Variants in CNTNAP5 observed in about 807,000 individuals in gnomAD.
CNTNAP5 encodes the protein contactin-associated protein-like 5.
CNTNAP5 carries 72 observed loss-of-function variants against 150.2 expected under a neutral mutation model. That is an observed-to-expected ratio of 0.48 (90% CI 0.40 to 0.58). The LOEUF is 0.58. CNTNAP5 is among the 20% of genes least tolerant of loss of function. CNTNAP5 has a pLI of 0.00. For synonymous variants in CNTNAP5, 672 were observed against 619.8 expected (o/e 1.08, Z -1.25); for missense variants, 1,636 against 1,626.2 (o/e 1.01, Z -0.10).
intron 23 of CNTNAP5, among the ~76,000 whole-genome samples, 179 bp from the exon 24 acceptor site, chr2:124,913,913 T>G (rs1175936210): frequency 1.3e-5 from 2 of 152,108 alleles, no homozygotes; most frequent in African/African-American, 4.8e-5. Flanking sequence ...TTTATAGTAA[T>G]TGAAGACAGG....
At chr2:124,485,124 T>G (rs1226767727) in intron 7 of CNTNAP5, among the ~76,000 whole-genome samples, 1 of 151,144 alleles carries the variant, frequency 6.6e-6, no homozygotes, top group Non-Finnish European at 1.5e-5. Flanking sequence ...AAAAAAAAAT[T>G]ATATAAAAGT....
intron 8 of CNTNAP5, among the ~76,000 whole-genome samples, chr2:124,521,406 A>G (rs1694843209): frequency 6.6e-6 from 1 of 152,186 alleles, no homozygotes; most frequent in Non-Finnish European, 1.5e-5. Context: ...AAAGAAAACC[A>G]CCAACCAAGC....
intron 11 of CNTNAP5, among the ~76,000 whole-genome samples, chr2:124,586,646 G>A (rs1230329208): frequency 6.6e-6 from 1 of 152,148 alleles, no homozygotes; most frequent in African/African-American, 2.4e-5. Flanking sequence ...AGAAATAAAA[G>A]AACAAATAAT....
intron 11 of CNTNAP5, among the ~76,000 whole-genome samples, chr2:124,582,604 C>T (rs1463112220): frequency 1.3e-5 from 2 of 152,102 alleles, no homozygotes; most frequent in African/African-American, 4.8e-5. Flanking sequence ...TGGAAATGAT[C>T]CAGTTCTGAT....
At position 124,911,838 on chromosome 2, in the gene CNTNAP5, T is replaced by C. The variant is rs117476129; in HGVS notation, c.3727+300T>C. On this transcript the variant is annotated intron_variant, in intron 23 of 23. Coordinates refer to ENST00000682447, the MANE Select transcript of CNTNAP5 (RefSeq NM_001367498.1). ...CTCACATTCTGCTCATTTCATACAG[T>C]TTTCACTGTTTCTAAAATGCAAACA... Among the ~76,000 whole-genome samples, 469 of 152,198 alleles carry C rather than the reference T, an allele frequency of 3.1e-3. 12 individuals are homozygous for C. The East Asian group carries it at 0.052, about 17-fold the overall frequency.
intron 13 of CNTNAP5, among the ~76,000 whole-genome samples, chr2:124,675,784 G>T (rs1678927273): frequency 6.6e-6 from 1 of 152,052 alleles, no homozygotes; most frequent in Non-Finnish European, 1.5e-5. Flanking sequence ...ATTCTTTAGA[G>T]ATATTTTTAT....
chr2:124,742,234 C>T (rs1680511125), intron 13 of CNTNAP5, among the ~76,000 whole-genome samples: 1 of 152,110 alleles, frequency 6.6e-6, no homozygotes, highest in Non-Finnish European at 1.5e-5. Flanking sequence ...AGTAGTTTTG[C>T]AAACTTTTTT....
intron 12 of CNTNAP5, among the ~76,000 whole-genome samples, chr2:124,618,666 C>A (rs1677540079): frequency 6.6e-6 from 1 of 152,108 alleles, no homozygotes; most frequent in Non-Finnish European, 1.5e-5. Context: ...TTTAGTCAGC[C>A]TTCCTGCGCA....
intron 20 of CNTNAP5, among the ~76,000 whole-genome samples, chr2:124,868,682 T>C (rs995696141): frequency 6.6e-6 from 1 of 152,138 alleles, no homozygotes; most frequent in Non-Finnish European, 1.5e-5. Context: ...GTAAGTTGCC[T>C]GAGAACAGAG....
intron 1 of CNTNAP5, among the ~76,000 whole-genome samples, chr2:124,045,080 A>G (rs896046604): frequency 2.6e-5 from 4 of 152,160 alleles, no homozygotes; most frequent in African/African-American, 9.7e-5. Flanking sequence ...TGAGATTTCA[A>G]ATATGTCTCT....
chr2:124,507,891 A>G (rs563005509), intron 8 of CNTNAP5, among the ~76,000 whole-genome samples: 12 of 152,338 alleles, frequency 7.9e-5, no homozygotes, highest in Admixed American at 7.8e-4. Context: ...AGTGAGAAAA[A>G]GCACCCAAAT....
intron 3 of CNTNAP5, among the ~76,000 whole-genome samples, chr2:124,336,199 G>C (rs1214836484): frequency 6.6e-6 from 1 of 152,000 alleles, no homozygotes; most frequent in African/African-American, 2.4e-5. Context: ...GGAAGGTGAG[G>C]TACAGAACTC....
intron 3 of CNTNAP5, among the ~76,000 whole-genome samples, chr2:124,358,472 T>A (rs1005994241): frequency 1.3e-5 from 2 of 152,198 alleles, no homozygotes; most frequent in Admixed American, 1.3e-4. Context: ...TTTTGTAATA[T>A]GTCCCATCAA....
intron 5 of CNTNAP5, among the ~76,000 whole-genome samples, chr2:124,436,738 A>G (rs1439584295): frequency 6.6e-6 from 1 of 152,162 alleles, no homozygotes; most frequent in Non-Finnish European, 1.5e-5. Flanking sequence ...TCTTCTCTAT[A>G]TTTCCAACCA....
intron 7 of CNTNAP5, among the ~76,000 whole-genome samples, chr2:124,485,863 T>C (rs562566149): frequency 6.6e-6 from 1 of 152,150 alleles, no homozygotes; most frequent in East Asian, 1.9e-4. Flanking sequence ...GTGCCCCTTA[T>C]GGACAAAGCA....
At chr2:124,106,425 G>A (rs2104701467) in intron 1 of CNTNAP5, among the ~76,000 whole-genome samples, 2 of 152,286 alleles carry the variant, frequency 1.3e-5, no homozygotes, top group Admixed American at 1.3e-4. Flanking sequence ...TCTGGGCAGA[G>A]GAAAGAGGGT....
chr2:124,514,886 A>C (rs1286629236), intron 8 of CNTNAP5, among the ~76,000 whole-genome samples: 1 of 152,170 alleles, frequency 6.6e-6, no homozygotes, highest in African/African-American at 2.4e-5. Context: ...GGGACCCCAG[A>C]GTTTGTGCTG....
At chr2:124,632,472 A>G (rs775526543) in intron 12 of CNTNAP5, among the ~76,000 whole-genome samples, 2 of 151,454 alleles carry the variant, frequency 1.3e-5, no homozygotes, top group Non-Finnish European at 2.9e-5. Context: ...CAAACACTAC[A>G]TGTTCTCACT....
chr2:124,459,809 T>C (rs2420864), intron 6 of CNTNAP5, among the ~76,000 whole-genome samples: 141,218 of 151,026 alleles, frequency 0.94, 66,073 homozygotes, highest in East Asian at 1. Flanking sequence ...ATGGGAATAA[T>C]ACAGCCCATG....
Sources: gnomAD v4.1 joint callset for allele counts (sites outside exome capture counted in the v4.1 genomes callset) on GRCh38, gnomAD v4.1.1 for gene constraint, MANE v1.5 for transcripts, NCBI Gene and HGNC (gene_info 2026-07-23, HGNC 2026-07-21) for gene names.